Variants in CTNNA2 observed in about 807,000 individuals in gnomAD.
CTNNA2 encodes the protein catenin alpha-2.
A neutral mutation model predicts 101.0 loss-of-function variants in CTNNA2; 42 were observed. That is an observed-to-expected ratio of 0.42 (90% CI 0.32 to 0.54). CTNNA2 has a LOEUF of 0.54. CTNNA2 is among the 20% of genes least tolerant of loss of function. CTNNA2 has a pLI of 0.14. For missense variants in CTNNA2, 871 were observed against 1,223.1 expected, an observed-to-expected ratio of 0.71 and a Z score of 4.29; for synonymous variants, 450 against 456.4, an observed-to-expected ratio of 0.99 and a Z score of 0.18.
chr2:80,358,541 G>A (rs960216810), intron 7 of CTNNA2, among the ~76,000 whole-genome samples: 33 of 151,608 alleles, frequency 2.2e-4, no homozygotes, highest in African/African-American at 6.8e-4. Flanking sequence ...AGTAGAGATG[G>A]GGTTTCACCA....
intron 18 of CTNNA2, among the ~76,000 whole-genome samples, chr2:80,632,328 TA>T (rs2149833676): frequency 6.6e-6 from 1 of 150,410 alleles, no homozygotes; most frequent in East Asian, 2.0e-4. Context: ...AATAAGTAAC[TA>T]AAGATTTGAT....
At chr2:80,115,622 G>A (rs1701468713) in intron 7 of CTNNA2, among the ~76,000 whole-genome samples, 1 of 152,178 alleles carries the variant, frequency 6.6e-6, no homozygotes, top group African/African-American at 2.4e-5. Flanking sequence ...TGTTGCTCAT[G>A]AATAACGTGG....
At chr2:79,771,024 T>C (rs1673533343) in intron 3 of CTNNA2, among the ~76,000 whole-genome samples, 1 of 152,212 alleles carries the variant, frequency 6.6e-6, no homozygotes, top group African/African-American at 2.4e-5. Context: ...CCTCGTGAAA[T>C]TTCTAATCAC....
intron 3 of CTNNA2, among the ~76,000 whole-genome samples, chr2:79,338,601 C>CTTCTTCTTCTT (rs1677057759): frequency 1.4e-5 from 2 of 145,926 alleles, no homozygotes; most frequent in South Asian, 2.3e-4. Context: ...TCTTCTTCTT[C>CTTCTTCTTCTT]TTCTTCTTCT....
intron 7 of CTNNA2, among the ~76,000 whole-genome samples, chr2:80,307,959 G>A (rs533360855): frequency 1.1e-4 from 16 of 152,334 alleles, no homozygotes; most frequent in Admixed American, 1.0e-3. Flanking sequence ...ACATAATCTG[G>A]AACTAAGGGG....
At chr2:79,583,265 G>GACT (rs1676262152) in intron 1 of CTNNA2, among the ~76,000 whole-genome samples, 1 of 151,530 alleles carries the variant, frequency 6.6e-6, no homozygotes, top group Non-Finnish European at 1.5e-5. Context: ...CATCTACTCA[G>GACT]ACTACCTGTT....
chr2:80,080,852 A>G (rs1180616163), intron 7 of CTNNA2, among the ~76,000 whole-genome samples: 1 of 150,124 alleles, frequency 6.7e-6, no homozygotes, highest in Non-Finnish European at 1.5e-5. Flanking sequence ...ATCAAGCTGT[A>G]TTATAATTAA....
intron 3 of CTNNA2, among the ~76,000 whole-genome samples, chr2:79,350,530 C>A (rs797008292): frequency 6.6e-5 from 10 of 152,196 alleles, no homozygotes; most frequent in African/African-American, 2.4e-4. Context: ...TTATTCCAAT[C>A]CACCTCTGAT....
In CTNNA2 at chr2:79,656,046, G is replaced by C. The variant is rs1681592004; in HGVS notation, c.102+4388G>C. On this transcript the variant is annotated intron_variant, in intron 2 of 18. Coordinates refer to ENST00000402739, the MANE Select transcript of CTNNA2 (RefSeq NM_001282597.3). The stretch of plus-strand genomic sequence containing the variant: ...TGTAAGTAGTCTTAACATCCTTCCA[G>C]TCCCCTATCTATATGCCTTATATTT... Among the ~76,000 whole-genome samples the C allele has an allele frequency of 2.6e-5, 4 of 151,964 alleles. No individual in the cohort carries two copies. In the South Asian group the frequency reaches 8.3e-4, roughly 31 times the overall value.
chr2:80,089,516 G>A (rs1000630122), intron 7 of CTNNA2, among the ~76,000 whole-genome samples: 2 of 151,376 alleles, frequency 1.3e-5, no homozygotes, highest in East Asian at 1.9e-4. Context: ...AACCAATTAC[G>A]CTCATAGATA....
chr2:80,273,842 C>G (rs1440188646), intron 7 of CTNNA2, among the ~76,000 whole-genome samples: 10 of 151,932 alleles, frequency 6.6e-5, no homozygotes, highest in Non-Finnish European at 1.5e-5. Flanking sequence ...CTTTTTTCTG[C>G]CTGGCCTGTG....
intron 14 of CTNNA2, among the ~76,000 whole-genome samples, chr2:80,582,833 C>G (rs1252881923): frequency 6.6e-6 from 1 of 152,114 alleles, no homozygotes; most frequent in Non-Finnish European, 1.5e-5. Flanking sequence ...AAAGCCCACA[C>G]TGCCTTAAGA....
At chr2:80,486,168 A>G (rs1686566827) in intron 9 of CTNNA2, among the ~76,000 whole-genome samples, 1 of 152,226 alleles carries the variant, frequency 6.6e-6, no homozygotes, top group African/African-American at 2.4e-5. Context: ...CTGGAATTCA[A>G]TTGCAGTTGA....
intron 1 of CTNNA2, among the ~76,000 whole-genome samples, chr2:79,602,237 G>A (rs1677598823): frequency 6.6e-6 from 1 of 152,092 alleles, no homozygotes; most frequent in Admixed American, 6.5e-5. Context: ...TTTGGTTTTA[G>A]AAATGGTTTT....
intron 13 of CTNNA2, among the ~76,000 whole-genome samples, chr2:80,577,567 G>C (rs1404925514): frequency 6.6e-6 from 1 of 152,084 alleles, no homozygotes; most frequent in East Asian, 1.9e-4. Context: ...TGGCCATGCT[G>C]GTGAGAACAG....
At chr2:79,751,694 G>A (rs1672059241) in intron 3 of CTNNA2, among the ~76,000 whole-genome samples, 1 of 151,482 alleles carries the variant, frequency 6.6e-6, no homozygotes, top group South Asian at 2.1e-4. Context: ...TGAAAGGAAG[G>A]GAGAGAGGGA....
intron 3 of CTNNA2, among the ~76,000 whole-genome samples, chr2:79,834,842 T>G (rs1285124701): frequency 2.0e-5 from 3 of 152,150 alleles, no homozygotes; most frequent in Admixed American, 6.5e-5. Context: ...GCTTTTACAT[T>G]TAAGTCTTTA....
chr2:79,558,184 T>G (rs1355603993), intron 1 of CTNNA2, among the ~76,000 whole-genome samples: 2 of 151,956 alleles, frequency 1.3e-5, no homozygotes, highest in Non-Finnish European at 2.9e-5. Context: ...AGTTTAAAAC[T>G]GAACATGCCC....
intron 2 of CTNNA2, among the ~76,000 whole-genome samples, chr2:79,727,071 G>C (rs925410072): frequency 1.3e-5 from 2 of 152,170 alleles, no homozygotes; most frequent in Non-Finnish European, 2.9e-5. Context: ...GCAAACCCAA[G>C]ACTTCTCAAA....
Sources: gnomAD v4.1 joint callset for allele counts (sites outside exome capture counted in the v4.1 genomes callset) on GRCh38, gnomAD v4.1.1 for gene constraint, MANE v1.5 for transcripts, NCBI Gene and HGNC (gene_info 2026-07-23, HGNC 2026-07-21) for gene names.